CFAP61: variants seen among roughly 807,000 people sequenced by gnomAD.
CFAP61 encodes cilia- and flagella-associated protein 61.
A neutral mutation model predicts 135.6 loss-of-function variants in CFAP61; 107 were observed. The ratio of observed to expected loss-of-function variants is 0.79; its 90% CI spans 0.67 to 0.93. The LOEUF (loss-of-function observed/expected upper bound fraction) is 0.93, where lower values mean the gene tolerates loss of function less well. Ranked by LOEUF, CFAP61 falls within the 40% of genes least tolerant of loss-of-function variation. The probability of loss-of-function intolerance (pLI) is 0.00; values close to 1 mark genes in which losing one functional copy is unlikely to be tolerated. For synonymous variants in CFAP61, 575 were observed against 578.5 expected, an observed-to-expected ratio of 0.99 and a Z score of 0.09; for missense variants, 1,507 against 1,556.2, an observed-to-expected ratio of 0.97 and a Z score of 0.53.
intron 1 of CFAP61, among the ~76,000 whole-genome samples, chr20:20,053,693 G>T (rs2043966714): frequency 6.6e-6 from 1 of 152,086 alleles, no homozygotes; most frequent in African/African-American, 2.4e-5. Flanking sequence ...CAATGTATTT[G>T]CCATAACTCT....
At chr20:20,157,740 C>T (rs1024476943) in intron 9 of CFAP61, among the ~76,000 whole-genome samples, 1 of 152,064 alleles carries the variant, frequency 6.6e-6, no homozygotes, top group African/African-American at 2.4e-5. Flanking sequence ...ACATTAAAAG[C>T]ACAATACATA....
At chr20:20,113,966 C>A (rs1257554395) in intron 8 of CFAP61, among the ~76,000 whole-genome samples, 1,252 of 93,758 alleles carry the variant, frequency 0.013, no homozygotes, top group African/African-American at 0.019. Flanking sequence ...CATGAGAGCT[C>A]AAAAAAAAAA....
chr20:20,196,214 T>C (rs1484110639), intron 15 of CFAP61, among the ~76,000 whole-genome samples: 1 of 152,220 alleles, frequency 6.6e-6, no homozygotes, highest in African/African-American at 2.4e-5. Flanking sequence ...CTCCGTCTCT[T>C]GTGCTGACTG....
chr20:20,274,175 T>C (rs2053569015), intron 21 of CFAP61, among the ~76,000 whole-genome samples: 1 of 152,192 alleles, frequency 6.6e-6, no homozygotes, highest in South Asian at 2.1e-4. Flanking sequence ...TTGTTATCAA[T>C]AATGATAACA....
intron 13 of CFAP61, among the ~76,000 whole-genome samples, chr20:20,186,873 G>C (rs1477130641): frequency 6.6e-6 from 1 of 152,192 alleles, no homozygotes; most frequent in Non-Finnish European, 1.5e-5. Flanking sequence ...CCTAGTAACT[G>C]CAGAGAATTC....
intron 25 of CFAP61, among the ~76,000 whole-genome samples, chr20:20,312,445 A>G (rs1422622845): frequency 3.9e-5 from 6 of 152,286 alleles, no homozygotes; most frequent in East Asian, 1.9e-4. Context: ...AGACATAACA[A>G]TTGAAACTGC....
intron 1 of CFAP61, among the ~76,000 whole-genome samples, chr20:20,053,237 T>C (rs559011154): frequency 1.5e-4 from 23 of 149,040 alleles, no homozygotes; most frequent in Middle Eastern, 3.4e-3. Flanking sequence ...AAGAGAATTT[T>C]TTTTAATAGA....
At chr20:20,347,717 G>A (rs954463439) in intron 26 of CFAP61, among the ~76,000 whole-genome samples, 1 of 151,922 alleles carries the variant, frequency 6.6e-6, no homozygotes, top group Non-Finnish European at 1.5e-5. Context: ...GGCCGATCAC[G>A]AGGTCAGGAG....
intron 10 of CFAP61, among the ~76,000 whole-genome samples, chr20:20,162,939 G>A (rs1164591153): frequency 6.6e-6 from 1 of 152,214 alleles, no homozygotes; most frequent in Non-Finnish European, 1.5e-5. Context: ...GGGATAAGAT[G>A]TGGGGAAGAG....
At chr20:20,234,796 G>T (rs780505525) in intron 18 of CFAP61, among the ~76,000 whole-genome samples, 9 of 152,046 alleles carry the variant, frequency 5.9e-5, no homozygotes, top group Non-Finnish European at 7.4e-5. Context: ...AGTCAGAAGC[G>T]ACGGTGGAGT....
At chr20:20,107,589 T>A (rs1193589275) in intron 8 of CFAP61, 1 of 152,150 alleles carries the variant, frequency 6.6e-6, no homozygotes, top group African/African-American at 2.4e-5. Context: ...TATGTGTGTA[T>A]ATATGTATCC....
chr20:20,278,672 T>A (rs941662), intron 22 of CFAP61, among the ~76,000 whole-genome samples: 84,368 of 151,940 alleles, frequency 0.56, 23,929 homozygotes, highest in Middle Eastern at 0.66. Context: ...ACTCAGGTGC[T>A]GCTAAGGATT....
intron 14 of CFAP61, among the ~76,000 whole-genome samples, chr20:20,190,796 G>T (rs2055867473): frequency 6.6e-6 from 1 of 152,130 alleles, no homozygotes; most frequent in Non-Finnish European, 1.5e-5. Context: ...TATCCTTGAT[G>T]AAGCAGTAAA....
chr20:20,188,174 A>G (rs543268645), intron 14 of CFAP61, 118 bp downstream of exon 14: 2 of 1,030,834 alleles, frequency 1.9e-6, no homozygotes, highest in Non-Finnish European at 2.9e-6. Flanking sequence ...GGGGCAGTGG[A>G]GGTAGAGTTA....
intron 8 of CFAP61, among the ~76,000 whole-genome samples, chr20:20,104,678 G>T (rs1294333714): frequency 6.6e-6 from 1 of 152,176 alleles, no homozygotes; most frequent in Non-Finnish European, 1.5e-5. Flanking sequence ...CCAGGACTTA[G>T]TCTGCCAGGG....
At chr20:20,157,637 A>G (rs1332106873) in intron 9 of CFAP61, among the ~76,000 whole-genome samples, 1 of 152,224 alleles carries the variant, frequency 6.6e-6, no homozygotes, top group Non-Finnish European at 1.5e-5. Flanking sequence ...CATAGACTTG[A>G]ATGTAGAATT....
chr20:20,196,640 A>G lies in CFAP61; in HGVS notation c.1661A>G (p.Glu554Gly), dbSNP rs1386354881. ...FIYFSHHQREEHGHMHHFALN... is the reference protein window; with the variant it reads ...FIYFSHHQREGHGHMHHFALN... ...TACTTCAGTCACCACCAGCGCGAAG[A>G]ACACGGGCACATGCATCACTTTGCC... is the stretch of plus-strand genomic sequence containing the variant. The change falls in exon 16 of 27, where the codon GAA (glutamate) becomes GGA (glycine). Residue 554 changes from glutamate to glycine, a missense_variant. Transcript: ENST00000245957. 6.2e-7 allele frequency: 1 copy of G among 1,614,038 alleles called. No homozygotes were observed. The highest frequency in any genetic ancestry group is 8.5e-7 in the Non-Finnish European group (1 of 1,180,010).
At chr20:20,103,457 A>G (rs528344605) in intron 8 of CFAP61, among the ~76,000 whole-genome samples, 1 of 151,950 alleles carries the variant, frequency 6.6e-6, no homozygotes, top group African/African-American at 2.4e-5. Context: ...GTAGAAGTGT[A>G]TTTTTTTTAT....
intron 6 of CFAP61, among the ~76,000 whole-genome samples, chr20:20,076,805 GGATA>G (rs2046080817): frequency 6.6e-6 from 1 of 152,158 alleles, no homozygotes; most frequent in Non-Finnish European, 1.5e-5. Context: ...TGCTGGCATC[GGATA>G]GATCTGGATT....
Sources: allele counts gnomAD v4.1 joint callset (sites outside exome capture counted in the v4.1 genomes callset), GRCh38; gene constraint gnomAD v4.1.1; transcripts MANE v1.5; gene names NCBI Gene and HGNC (gene_info 2026-07-23, HGNC 2026-07-21).